GOPC: variants seen among roughly 807,000 people sequenced by gnomAD.
GOPC encodes golgi associated PDZ and coiled-coil motif containing, also known as Golgi-associated PDZ and coiled-coil motif-containing protein.
GOPC carries 32 observed loss-of-function variants against 51.2 expected under a neutral mutation model. That is an observed-to-expected ratio of 0.63 (90% CI 0.47 to 0.84). The LOEUF is 0.84. Among genes scored for constraint, GOPC ranks in the 40% least tolerant of loss-of-function variants. The pLI, the probability that GOPC is intolerant of heterozygous loss-of-function variation, is 0.00. For synonymous variants in GOPC, 190 were observed against 205.1 expected (o/e 0.93, Z 0.63); for missense variants, 441 against 555.5 (o/e 0.79, Z 2.07).
At chr6:117,569,499 G>T in intron 7 of GOPC, 73 bp downstream of exon 7, 1 of 1,533,898 alleles carries the variant, frequency 6.5e-7, no homozygotes, top group South Asian at 1.3e-5. Flanking sequence ...AAACTTCGTA[G>T]GGAAGTATAC....
chr6:117,591,879 C>A (rs1346055980), intron 1 of GOPC, among the ~76,000 whole-genome samples: 1 of 152,158 alleles, frequency 6.6e-6, no homozygotes, highest in East Asian at 1.9e-4. Context: ...CTAGAATGAT[C>A]AGGCAACCAA....
At chr6:117,579,939 G>A (rs1469715224) in intron 1 of GOPC, among the ~76,000 whole-genome samples, 1 of 151,914 alleles carries the variant, frequency 6.6e-6, no homozygotes, top group Non-Finnish European at 1.5e-5. Flanking sequence ...ATACACATGT[G>A]GACCAACTAA....
intron 8 of GOPC, among the ~76,000 whole-genome samples, chr6:117,564,918 AC>A (rs1289578038): frequency 6.6e-6 from 1 of 152,202 alleles, no homozygotes; most frequent in Non-Finnish European, 1.5e-5. Flanking sequence ...CAAAAGTGCA[AC>A]AGTTTATCAG....
At chr6:117,589,412 C>T (rs373569804) in intron 1 of GOPC, among the ~76,000 whole-genome samples, 3 of 152,230 alleles carry the variant, frequency 2.0e-5, no homozygotes, top group Admixed American at 6.5e-5. Flanking sequence ...CTCCACCTCC[C>T]GGGTTCAAGT....
intron 1 of GOPC, among the ~76,000 whole-genome samples, chr6:117,591,824 A>C (rs868669868): frequency 1.2e-4 from 19 of 152,192 alleles, no homozygotes; most frequent in African/African-American, 4.6e-4. Context: ...AGAATGACAG[A>C]ATTAGGTTTG....
rs1779568915 is a variant in GOPC, at chr6:117,560,746, TATACACGCACAC to T, written c.*2496_*2507del. 4.9e-6 allele frequency: 1 copy of T among 205,618 alleles called. No individual in the cohort carries two copies. Among genetic ancestry groups the T allele is most frequent in the African/African-American group, 2.3e-5 (1 of 43,850 alleles). 12.7% of individuals were successfully genotyped at this position (205,618 alleles called of 1,614,324 possible). ...GAATTTTAGAGGTTAAGTGTAAATA[TATACACGCACAC>T]ATACAACCCTCACATTTTATTAAAA... is the stretch of plus-strand genomic sequence containing the variant. On this transcript the variant is annotated 3_prime_UTR_variant, in exon 9 of 9. Transcript: ENST00000368498.
chr6:117,599,162 TGGA>T (rs1771946368), intron 1 of GOPC, among the ~76,000 whole-genome samples: 2 of 152,162 alleles, frequency 1.3e-5, no homozygotes, highest in Non-Finnish European at 2.9e-5. Context: ...TTACCCAAAT[TGGA>T]GGTATCTGTT....
chr6:117,587,839 A>G (rs75136730), intron 1 of GOPC, among the ~76,000 whole-genome samples: 5,406 of 151,916 alleles, frequency 0.036, 128 homozygotes, highest in Non-Finnish European at 0.051. Context: ...CTTTGCTGCT[A>G]TGCACTTGTA....
intron 1 of GOPC, among the ~76,000 whole-genome samples, chr6:117,592,926 T>C (rs761730374): frequency 2.0e-5 from 3 of 152,176 alleles, no homozygotes; most frequent in Non-Finnish European, 4.4e-5. Context: ...ATCAGCCCCA[T>C]TACCACTTTC....
rs531483614 is a variant in GOPC at position 117,562,031 on chromosome 6, A to G, written c.*1223T>C. ...TAACTGTACGTCCTTTAAAACAGTG[A>G]TATTAGCAAAGCTATCACCTCTTTA... On this transcript the variant is annotated 3_prime_UTR_variant, in exon 9 of 9. Transcript: ENST00000368498. 1 of 206,156 alleles carries G rather than the reference A, an allele frequency of 4.9e-6. No homozygotes were observed. The highest frequency in any genetic ancestry group is 9.9e-6 in the Non-Finnish European group (1 of 100,808). 12.8% of individuals were successfully genotyped at this position (206,156 alleles called of 1,614,324 possible). A position where few individuals can be genotyped will look rare whatever the true frequency, so the allele number is the denominator to read the frequency against.
chr6:117,591,806 C>A (rs762067624), intron 1 of GOPC, among the ~76,000 whole-genome samples: 8 of 152,026 alleles, frequency 5.3e-5, no homozygotes, highest in Non-Finnish European at 8.8e-5. Flanking sequence ...TAGAGAGATA[C>A]AGAAAGAAGA....
chr6:117,568,966 CT>C (rs1285878113), intron 7 of GOPC, among the ~76,000 whole-genome samples: 84 of 152,178 alleles, frequency 5.5e-4, no homozygotes, highest in Non-Finnish European at 8.8e-5. Context: ...CAACTCTATT[CT>C]TGAAAGAAAT....
At position 117,592,784 on chromosome 6, in the gene GOPC, A is replaced by G. The variant is rs540629774; in HGVS notation, c.285+9220T>C. Among the ~76,000 whole-genome samples, 45 of 152,150 alleles carry G rather than the reference A, an allele frequency of 3.0e-4. 1 individual carries two copies. Among genetic ancestry groups the G allele is most frequent in the Non-Finnish European group, 5.0e-4 (34 of 68,022 alleles). On this transcript the variant is annotated intron_variant, in intron 1 of 8. Coordinates refer to ENST00000368498, the MANE Select transcript of GOPC (RefSeq NM_020399.4). ...TTGGAGGGATACGATTCAACCCACT[A>G]CAGATACTGATCAATCATTTCCCAA... is the stretch of plus-strand genomic sequence containing the variant.
rs77177893 is a variant in GOPC, at chr6:117,598,056, T to C, written c.285+3948A>G. ...CATAATGCATGTTCTCACTCAAATG[T>C]AGAAGCTAAAAAAATTGATTTACCA... On this transcript the variant is annotated intron_variant, in intron 1 of 8. Transcript: ENST00000368498. Among the ~76,000 whole-genome samples the C allele has an allele frequency of 7.4e-3, 1,125 of 152,026 alleles. 6 individuals carry two copies. Among genetic ancestry groups the C allele is most frequent in the Non-Finnish European group, 0.01 (693 of 67,940 alleles).
intron 1 of GOPC, among the ~76,000 whole-genome samples, chr6:117,586,666 A>G (rs1243190797): frequency 2.0e-5 from 3 of 151,792 alleles, no homozygotes; most frequent in African/African-American, 4.8e-5. Context: ...TATTTTTAGT[A>G]GAGACGGGGT....
intron 1 of GOPC, among the ~76,000 whole-genome samples, chr6:117,586,032 T>TAA (rs544313523): frequency 6.6e-6 from 1 of 152,254 alleles, no homozygotes; most frequent in Non-Finnish European, 1.5e-5. Flanking sequence ...CCTTTTGTTT[T>TAA]AAAGTTTGTG....
intron 1 of GOPC, among the ~76,000 whole-genome samples, chr6:117,582,753 A>G (rs1779978720): frequency 6.7e-6 from 1 of 149,654 alleles, no homozygotes; most frequent in Non-Finnish European, 1.5e-5. Flanking sequence ...TCATGGATGA[A>G]GGATGGTCAA....
intron 5 of GOPC, among the ~76,000 whole-genome samples, chr6:117,572,850 C>T (rs1344336722): frequency 6.6e-6 from 1 of 152,178 alleles, no homozygotes; most frequent in African/African-American, 2.4e-5. Context: ...TAAGGCCATA[C>T]ATTATCTGGT....
At chr6:117,595,557 T>C (rs1221928814) in intron 1 of GOPC, among the ~76,000 whole-genome samples, 1 of 152,192 alleles carries the variant, frequency 6.6e-6, no homozygotes, top group Non-Finnish European at 1.5e-5. Flanking sequence ...TCCCACCCTT[T>C]ACTCCAGATC....
Sources: allele counts gnomAD v4.1 joint callset (sites outside exome capture counted in the v4.1 genomes callset), GRCh38; gene constraint gnomAD v4.1.1; transcripts MANE v1.5; gene names NCBI Gene and HGNC (gene_info 2026-07-23, HGNC 2026-07-21).